The following DOP1B variants were observed in gnomAD, a reference collection of about 807,000 sequenced individuals.
DOP1B encodes the protein protein DOP1B.
In DOP1B, 174 loss-of-function variants were observed where a neutral mutation model predicts 233.5. The ratio of observed to expected loss-of-function variants is 0.75; its 90% CI spans 0.66 to 0.85. The LOEUF is 0.85. Ranked by LOEUF, DOP1B falls within the 40% of genes least tolerant of loss-of-function variation. The pLI is 0.00. For missense variants in DOP1B, 2,652 were observed against 2,846.6 expected, an observed-to-expected ratio of 0.93 and a Z score of 1.56; for synonymous variants, 1,190 against 1,185.6, an observed-to-expected ratio of 1.00 and a Z score of -0.08.
At chr21:36,238,036 A>T (rs1317459107) in intron 16 of DOP1B, among the ~76,000 whole-genome samples, 1 of 152,124 alleles carries the variant, frequency 6.6e-6, no homozygotes, top group Admixed American at 6.5e-5. Context: ...GCATGGTGGC[A>T]CATGCCTGTA....
In DOP1B at chr21:36,164,820, G is replaced by T; in HGVS notation, c.87G>T (p.Glu29Asp). Residue 29 changes from glutamate (E) to aspartate (D), a missense_variant, in exon 2 of 37, where the codon GAG becomes GAT. Transcript: ENST00000691173. The stretch of plus-strand genomic sequence containing the variant: ...TTGAAAAGGCTTTGAGAAATTTTGA[G>T]TCCTCGAGTGAATGGGCGGATCTCA... The part of the protein sequence containing the change: ...SVIEKALRNF[E>D]SSSEWADLIS... 1 of 1,612,486 alleles carries T rather than the reference G, an allele frequency of 6.2e-7. No individual in the cohort carries two copies. Among genetic ancestry groups the T allele is most frequent in the South Asian group, 1.1e-5 (1 of 90,818 alleles).
At chr21:36,211,462 A>G in intron 5 of DOP1B, 91 bp from the exon 6 acceptor site, 1 of 1,165,732 alleles carries the variant, frequency 8.6e-7, no homozygotes, top group Non-Finnish European at 1.3e-6. Flanking sequence ...GATATAACGC[A>G]GGAGTTTCAA....
chr21:36,237,405 C>A lies in DOP1B; in HGVS notation c.2766C>A (p.Asp922Glu). The change falls in exon 16 of 37, where the codon GAC becomes GAA. Residue 922 changes from aspartate to glutamate, a missense_variant. By Grantham distance (45) the Asp-to-Glu change is conservative (BLOSUM62 2). This residue lies in a region of DOP1B where 2,617 missense variants were observed against 2,794.3 expected (regional missense o/e 0.94). Transcript: ENST00000691173. Reference sequence around the variant, plus strand: ...ACATCATCTGCCATGCCCTCCTGGACCCTGACAAGGTGAGCCTTTCTGGCC... The same window carrying A: ...ACATCATCTGCCATGCCCTCCTGGAACCTGACAAGGTGAGCCTTTCTGGCC... ...CEDIICHALL[D>E]PDKGTRLEAL... 6.2e-7 allele frequency: 1 copy of A among 1,614,070 alleles called. No individual in the cohort carries two copies. Among genetic ancestry groups the A allele is most frequent in the Non-Finnish European group, 8.5e-7 (1 of 1,180,026 alleles).
intron 26 of DOP1B, among the ~76,000 whole-genome samples, chr21:36,266,048 A>G (rs997729047): frequency 9.9e-5 from 15 of 152,156 alleles, no homozygotes; most frequent in African/African-American, 2.7e-4. Flanking sequence ...ACAAGCCCCA[A>G]GTGGTTTCAT....
intron 4 of DOP1B, among the ~76,000 whole-genome samples, chr21:36,200,877 A>G (rs1347011398): frequency 2.0e-5 from 3 of 150,052 alleles, no homozygotes; most frequent in Non-Finnish European, 4.4e-5. Flanking sequence ...AAGTGCAGAG[A>G]CATGGGAAGC....
intron 2 of DOP1B, among the ~76,000 whole-genome samples, chr21:36,190,416 G>A (rs1210730496): frequency 1.3e-5 from 2 of 149,116 alleles, no homozygotes; most frequent in South Asian, 2.1e-4. Context: ...TTTTCTTTTC[G>A]AGATGGAGTC....
intron 1 of DOP1B, among the ~76,000 whole-genome samples, chr21:36,163,097 G>A (rs1028755336): frequency 6.6e-6 from 1 of 151,930 alleles, no homozygotes; most frequent in African/African-American, 2.4e-5. Context: ...CTGTAATCCC[G>A]GCACTTTGGG....
At chr21:36,252,363 T>G (rs1456600764) in intron 22 of DOP1B, among the ~76,000 whole-genome samples, 1 of 149,054 alleles carries the variant, frequency 6.7e-6, no homozygotes, top group Non-Finnish European at 1.5e-5. Context: ...GAGGCTGAGA[T>G]GGAAGGATCA....
chr21:36,254,404 G>C lies in DOP1B; in HGVS notation c.5259+495G>C, dbSNP rs536104634. 4.6e-5 allele frequency among the ~76,000 whole-genome samples: 7 copies of C among 152,176 alleles called. No individual in the cohort carries two copies. In the South Asian group the frequency reaches 1.5e-3, roughly 32 times the overall value. On this transcript the variant is annotated intron_variant, in intron 23 of 36. Coordinates refer to ENST00000691173, the MANE Select transcript of DOP1B (RefSeq NM_001320714.2). ...TGGGAAAGGATGAGGGAGGAGGGAG[G>C]GGGAAGGAGCAGGAAGTTTAAGGAG... is the stretch of plus-strand genomic sequence containing the variant.
At chr21:36,200,541 C>T in intron 4 of DOP1B, 40 bp downstream of exon 4, 1 of 1,549,656 alleles carries the variant, frequency 6.5e-7, no homozygotes, top group Non-Finnish European at 8.7e-7. Flanking sequence ...TACTCCACTG[C>T]TTTATAAGAC....
chr21:36,185,797 T>G (rs992290605), intron 2 of DOP1B, among the ~76,000 whole-genome samples: 1 of 152,208 alleles, frequency 6.6e-6, no homozygotes, highest in African/African-American at 2.4e-5. Context: ...GCTTTGAGTC[T>G]AAGTGTCATA....
At chr21:36,264,486 G>A (rs1422680972) in intron 26 of DOP1B, among the ~76,000 whole-genome samples, 2 of 150,138 alleles carry the variant, frequency 1.3e-5, no homozygotes, top group Non-Finnish European at 3.0e-5. Flanking sequence ...TTTTGGGCCA[G>A]GGGGTTGGAC....
chr21:36,210,596 G>A (rs958707846), intron 5 of DOP1B, among the ~76,000 whole-genome samples: 1 of 152,156 alleles, frequency 6.6e-6, no homozygotes, highest in African/African-American at 2.4e-5. Context: ...AGTGAGCTAA[G>A]ATTGCACCAC....
intron 5 of DOP1B, among the ~76,000 whole-genome samples, chr21:36,209,225 A>C (rs2081061122): frequency 6.6e-6 from 1 of 152,148 alleles, no homozygotes; most frequent in Admixed American, 6.5e-5. Flanking sequence ...GGGTTCAAGC[A>C]ATTCTCCTCT....
chr21:36,238,186 A>T (rs972525321), intron 16 of DOP1B, among the ~76,000 whole-genome samples: 1 of 152,206 alleles, frequency 6.6e-6, no homozygotes, highest in African/African-American at 2.4e-5. Flanking sequence ...ATAAATAAAA[A>T]TAATAATAAA....
At chr21:36,182,240 C>G (rs779381888) in intron 2 of DOP1B, among the ~76,000 whole-genome samples, 1 of 152,138 alleles carries the variant, frequency 6.6e-6, no homozygotes, top group East Asian at 1.9e-4. Context: ...CACTGGTTAC[C>G]CACCGATAAC....
intron 4 of DOP1B, among the ~76,000 whole-genome samples, chr21:36,207,877 G>A (rs1233162314): frequency 6.6e-6 from 1 of 152,200 alleles, no homozygotes; most frequent in East Asian, 1.9e-4. Flanking sequence ...CAGATTGTGT[G>A]CACTGAGGAC....
chr21:36,219,518 G>T (rs772970719), intron 10 of DOP1B, 26 bp downstream of exon 10: 5 of 1,610,422 alleles, frequency 3.1e-6, no homozygotes, highest in East Asian at 4.5e-5. Flanking sequence ...TGAACCTCAC[G>T]CATCTCTCTC....
At chr21:36,233,487 G>GAGCA (rs2066790802) in intron 15 of DOP1B, among the ~76,000 whole-genome samples, 1 of 152,198 alleles carries the variant, frequency 6.6e-6, no homozygotes, top group African/African-American at 2.4e-5. Flanking sequence ...TGGGGAAAGA[G>GAGCA]AGCACCCTTT....
Sources: gnomAD v4.1 joint callset for allele counts (sites outside exome capture counted in the v4.1 genomes callset) on GRCh38, gnomAD v4.1.1 for gene constraint, gnomAD v4.1.1 regional missense constraint, MANE v1.5 for transcripts, NCBI Gene and HGNC (gene_info 2026-07-23, HGNC 2026-07-21) for gene names.